The following ANKS1B variants were observed in gnomAD, a reference collection of about 807,000 sequenced individuals.
ANKS1B encodes ankyrin repeat and sterile alpha motif domain-containing protein 1B.
A neutral mutation model predicts 148.3 loss-of-function variants in ANKS1B; 36 were observed. The ratio of observed to expected loss-of-function variants is 0.24; its 90% CI spans 0.19 to 0.32. The LOEUF is 0.32. Ranked by LOEUF, ANKS1B falls within the 10% of genes least tolerant of loss-of-function variation. The pLI is 1.00. For missense variants in ANKS1B, 1,157 were observed against 1,542.6 expected (o/e 0.75, Z 4.19); for synonymous variants, 542 against 560.8 (o/e 0.97, Z 0.47).
intron 17 of ANKS1B, among the ~76,000 whole-genome samples, chr12:98,856,660 A>T (rs1195897230): frequency 6.6e-6 from 1 of 152,132 alleles, no homozygotes; most frequent in African/African-American, 2.4e-5. Context: ...TCTTCCTTCT[A>T]GAAGTTAGGG....
intron 17 of ANKS1B, among the ~76,000 whole-genome samples, chr12:98,846,023 C>CATATAT (rs1357091808): frequency 1.4e-4 from 11 of 76,028 alleles, no homozygotes; most frequent in Admixed American, 2.8e-4. Flanking sequence ...TACACATACA[C>CATATAT]ACATATATAT....
At chr12:98,979,529 C>T (rs2099905800) in intron 17 of ANKS1B, among the ~76,000 whole-genome samples, 1 of 152,152 alleles carries the variant, frequency 6.6e-6, no homozygotes, top group Admixed American at 6.5e-5. Flanking sequence ...CCTCGGCCTC[C>T]CAAAGTGCTG....
At chr12:98,881,390 T>C (rs1192481701) in intron 17 of ANKS1B, among the ~76,000 whole-genome samples, 3 of 152,164 alleles carry the variant, frequency 2.0e-5, no homozygotes, top group Non-Finnish European at 4.4e-5. Flanking sequence ...ATTATTAAAG[T>C]GCAATTTTCC....
In ANKS1B at chr12:99,532,127, T is replaced by G. The variant is rs1396110262; in HGVS notation, c.1273-27486A>C. Among the ~76,000 whole-genome samples, 3 of 152,208 alleles carry G rather than the reference T, an allele frequency of 2.0e-5. No individual in the cohort carries two copies. In the East Asian group the frequency reaches 5.8e-4, roughly 29 times the overall value. Reference sequence around the variant, plus strand: ...TGTCAGATATACAGTTTGTGGATATTTTCTCCCATTCTGTAGGTTGTCTGT... The same window carrying G: ...TGTCAGATATACAGTTTGTGGATATGTTCTCCCATTCTGTAGGTTGTCTGT... On this transcript the variant is annotated intron_variant, in intron 9 of 26. Transcript: ENST00000683438.
At chr12:99,068,966 C>T (rs959607588) in intron 16 of ANKS1B, among the ~76,000 whole-genome samples, 6 of 152,196 alleles carry the variant, frequency 3.9e-5, no homozygotes, top group African/African-American at 1.2e-4. Context: ...GCATTTTCCA[C>T]ATAGTATTCT....
At chr12:99,647,935 C>A in intron 9 of ANKS1B, 2 of 546,194 alleles carry the variant, frequency 3.7e-6, no homozygotes, top group Non-Finnish European at 6.4e-6. Context: ...CTCCTGACAG[C>A]TCCATGCACT....
At chr12:99,131,744 A>G (rs2066146796) in intron 15 of ANKS1B, among the ~76,000 whole-genome samples, 1 of 152,106 alleles carries the variant, frequency 6.6e-6, no homozygotes, top group South Asian at 2.1e-4. Flanking sequence ...TCTTAGCTAC[A>G]TAAAGTTAAC....
chr12:98,825,424 C>T (rs924988286), intron 19 of ANKS1B, among the ~76,000 whole-genome samples: 32 of 152,000 alleles, frequency 2.1e-4, no homozygotes, highest in African/African-American at 7.5e-4. Flanking sequence ...TTTAGTGCCC[C>T]CAGGTAATAC....
At chr12:99,494,372 T>A (rs11109867) in intron 10 of ANKS1B, among the ~76,000 whole-genome samples, 5,891 of 152,184 alleles carry the variant, frequency 0.039, 399 homozygotes, top group African/African-American at 0.14. Flanking sequence ...TTTCATTTAT[T>A]GTTTAGTTGT....
intron 14 of ANKS1B, among the ~76,000 whole-genome samples, chr12:99,224,092 A>G (rs993430452): frequency 5.9e-5 from 9 of 152,046 alleles, no homozygotes; most frequent in African/African-American, 2.2e-4. Flanking sequence ...GCCTGTATAT[A>G]TTTTTTAAAT....
chr12:98,962,217 C>T (rs1356328444), intron 17 of ANKS1B, among the ~76,000 whole-genome samples: 1 of 149,878 alleles, frequency 6.7e-6, no homozygotes, highest in Non-Finnish European at 1.5e-5. Flanking sequence ...CACACATAGA[C>T]TGAAAATAAA....
At chr12:99,314,046 G>T (rs2083612162) in intron 12 of ANKS1B, among the ~76,000 whole-genome samples, 1 of 152,118 alleles carries the variant, frequency 6.6e-6, no homozygotes, top group South Asian at 2.1e-4. Flanking sequence ...AACTCCTTAA[G>T]CTGATAAGCA....
chr12:99,495,689 A>G (rs2152981970), intron 10 of ANKS1B, among the ~76,000 whole-genome samples: 1 of 152,334 alleles, frequency 6.6e-6, no homozygotes, highest in African/African-American at 2.4e-5. Context: ...GTGTAAAATA[A>G]TGCTTCCATG....
chr12:99,698,973 G>GTGT (rs56223205), intron 8 of ANKS1B, among the ~76,000 whole-genome samples: 18 of 119,522 alleles, frequency 1.5e-4, no homozygotes, highest in African/African-American at 5.4e-4. Flanking sequence ...TGTGTGTGTG[G>GTGT]GTGTGCACGC....
intron 8 of ANKS1B, among the ~76,000 whole-genome samples, chr12:99,729,288 T>G (rs1049196645): frequency 6.6e-6 from 1 of 152,206 alleles, no homozygotes; most frequent in Non-Finnish European, 1.5e-5. Flanking sequence ...GTCACAAAGC[T>G]AGTGGTAAGA....
At chr12:99,180,274 C>T (rs2078958106) in intron 14 of ANKS1B, among the ~76,000 whole-genome samples, 1 of 152,144 alleles carries the variant, frequency 6.6e-6, no homozygotes, top group Non-Finnish European at 1.5e-5. Context: ...TAAAAATGTA[C>T]ATATACATTG....
chr12:99,710,714 G>T (rs1325850103), intron 8 of ANKS1B, among the ~76,000 whole-genome samples: 3 of 151,988 alleles, frequency 2.0e-5, no homozygotes, highest in African/African-American at 7.2e-5. Flanking sequence ...AAAATACAAT[G>T]AAAGTAAGAA....
intron 12 of ANKS1B, among the ~76,000 whole-genome samples, chr12:99,330,093 C>T (rs1014156352): frequency 2.6e-5 from 4 of 151,864 alleles, no homozygotes; most frequent in African/African-American, 9.7e-5. Context: ...TTCTTCAGTT[C>T]ACCTTATCTA....
At chr12:99,046,056 C>A (rs2099962097) in intron 17 of ANKS1B, among the ~76,000 whole-genome samples, 1 of 152,148 alleles carries the variant, frequency 6.6e-6, no homozygotes, top group Non-Finnish European at 1.5e-5. Flanking sequence ...ACTGGTAAAA[C>A]TGAGATTTGA....
Sources: allele counts gnomAD v4.1 joint callset (sites outside exome capture counted in the v4.1 genomes callset), GRCh38; gene constraint gnomAD v4.1.1; transcripts MANE v1.5; gene names NCBI Gene and HGNC (gene_info 2026-07-23, HGNC 2026-07-21).